The following PSMB2 variants were observed in gnomAD, a reference collection of about 807,000 sequenced individuals.
PSMB2 encodes proteasome 20S subunit beta 2, also known as proteasome subunit beta type-2.
PSMB2 carries 13 observed loss-of-function variants against 25.7 expected under a neutral mutation model. The ratio of observed to expected loss-of-function variants is 0.51; its 90% CI spans 0.33 to 0.80. The LOEUF (loss-of-function observed/expected upper bound fraction) is 0.80. Among genes scored for constraint, PSMB2 ranks in the 30% least tolerant of loss-of-function variants. The pLI, the probability that PSMB2 is intolerant of heterozygous loss-of-function variation, is 0.02. For synonymous variants in PSMB2, 87 were observed against 96.2 expected, an observed-to-expected ratio of 0.90 and a Z score of 0.56; for missense variants, 202 against 259.0, an observed-to-expected ratio of 0.78 and a Z score of 1.51.
chr1:35,606,159 G>C (rs1650161855), intron 4 of PSMB2, among the ~76,000 whole-genome samples: 1 of 152,152 alleles, frequency 6.6e-6, no homozygotes, highest in Admixed American at 6.5e-5. Flanking sequence ...TCAGAAGATG[G>C]AACTTAGCAC....
chr1:35,629,340 A>T (rs548019245), intron 3 of PSMB2, among the ~76,000 whole-genome samples: 1 of 152,310 alleles, frequency 6.6e-6, no homozygotes, highest in African/African-American at 2.4e-5. Flanking sequence ...TAGCAACCAT[A>T]TGAACTTTCC....
At chr1:35,610,188 C>T (rs1650288791) in intron 3 of PSMB2, among the ~76,000 whole-genome samples, 1 of 152,204 alleles carries the variant, frequency 6.6e-6, no homozygotes, top group Non-Finnish European at 1.5e-5. Flanking sequence ...GGTATAATCT[C>T]AGCACTTTGG....
At chr1:35,619,803 C>A (rs181424566) in intron 3 of PSMB2, among the ~76,000 whole-genome samples, 1 of 152,222 alleles carries the variant, frequency 6.6e-6, no homozygotes, top group East Asian at 1.9e-4. Flanking sequence ...GGCACAGATG[C>A]CTTATTATAC....
At chr1:35,638,887 C>A (rs1557461070) in intron 1 of PSMB2, among the ~76,000 whole-genome samples, 1 of 152,142 alleles carries the variant, frequency 6.6e-6, no homozygotes, top group African/African-American at 2.4e-5. Context: ...AAAGGAGTCC[C>A]AGAAGGTTAC....
At chr1:35,614,607 T>C (rs1307155173) in intron 3 of PSMB2, among the ~76,000 whole-genome samples, 1 of 152,222 alleles carries the variant, frequency 6.6e-6, no homozygotes, top group African/African-American at 2.4e-5. Flanking sequence ...GAACATTATA[T>C]ATAGTATTGA....
rs188488657 is a variant in PSMB2, at chr1:35,627,741, G to A, written c.285+3533C>T. Among the ~76,000 whole-genome samples, 689 of 152,266 alleles carry A rather than the reference G, an allele frequency of 4.5e-3. 4 individuals are homozygous for A. Among genetic ancestry groups the A allele is most frequent in the Non-Finnish European group, 7.7e-3 (522 of 67,996 alleles). On this transcript the variant is annotated intron_variant, in intron 3 of 5. Transcript: ENST00000373237. ...AGTAGGGAAATTAAGCTTAGAATTT[G>A]TCCAAAGACATCCAGCTAGTAAGTC... is the stretch of plus-strand genomic sequence containing the variant.
rs1232406340 is a variant in PSMB2, at chr1:35,600,774, CCTGGGGACACTTACATTCAAAGGCAGAG to C, written c.*2465_*2492del. 1.0e-6 allele frequency: 1 copy of C among 985,224 alleles called. No individual in the cohort carries two copies. The highest frequency in any genetic ancestry group is 1.2e-6 in the Non-Finnish European group (1 of 829,938). The allele number at this position is 985,224 out of a possible 1,614,324, so 61.0% of individuals were successfully genotyped here. A position where few individuals can be genotyped will look rare whatever the true frequency, so the allele number is the denominator to read the frequency against. On this transcript the variant is annotated 3_prime_UTR_variant, in exon 6 of 6. Transcript: ENST00000373237. ...GGTTTGCAGGCTTGCCTGAGATTGC[CCTGGGGACACTTACATTCAAAGGCAGAG>C]AACCGTATGTCATCCCTGGTGAGGC... is the stretch of plus-strand genomic sequence containing the variant.
At chr1:35,617,477 C>T (rs1301675184) in intron 3 of PSMB2, among the ~76,000 whole-genome samples, 12 of 152,148 alleles carry the variant, frequency 7.9e-5, no homozygotes, top group Admixed American at 7.2e-4. Context: ...CCATGAGTTC[C>T]CTGGGACTAC....
At chr1:35,614,570 G>C (rs895122644) in intron 3 of PSMB2, among the ~76,000 whole-genome samples, 2 of 152,156 alleles carry the variant, frequency 1.3e-5, no homozygotes, top group Non-Finnish European at 2.9e-5. Flanking sequence ...ACAAGACTAG[G>C]CTTCTTCCAC....
intron 1 of PSMB2, among the ~76,000 whole-genome samples, chr1:35,639,626 A>C (rs528074711): frequency 6.6e-6 from 1 of 152,368 alleles, no homozygotes; most frequent in Admixed American, 6.5e-5. Context: ...TACTGTGTAC[A>C]TAAGTAGGCT....
At chr1:35,639,133 A>G (rs1324523217) in intron 1 of PSMB2, among the ~76,000 whole-genome samples, 1 of 152,176 alleles carries the variant, frequency 6.6e-6, no homozygotes, top group Non-Finnish European at 1.5e-5. Flanking sequence ...GGGCGCCTGT[A>G]ATCCCAGCTA....
chr1:35,625,738 GGTGACACA>G (rs1056195475), intron 3 of PSMB2, among the ~76,000 whole-genome samples: 4 of 151,290 alleles, frequency 2.6e-5, no homozygotes, highest in African/African-American at 9.7e-5. Context: ...CTCCAGCCTG[GGTGACACA>G]GTGAGACTCC....
chr1:35,605,088 T>A (rs1314776891), intron 5 of PSMB2, 145 bp downstream of exon 5: 3 of 698,156 alleles, frequency 4.3e-6, no homozygotes, highest in African/African-American at 3.6e-5. Context: ...CCAAACTCTA[T>A]CCCTGGTAGC....
At position 35,602,849 on chromosome 1, in the gene PSMB2, A is replaced by AG. The variant is rs1223528469; in HGVS notation, c.*417dup. 1.2e-6 allele frequency: 1 copy of AG among 863,894 alleles called. No individual in the cohort carries two copies. Among genetic ancestry groups the AG allele is most frequent in the East Asian group, 1.2e-4 (1 of 8,492 alleles). The allele number at this position is 863,894 out of a possible 1,614,324, so 53.5% of individuals were successfully genotyped here. On this transcript the variant is annotated 3_prime_UTR_variant, in exon 6 of 6. Transcript: ENST00000373237. ...TTTGTACTGTTTGCATGTTACATTA[A>AG]GTGCATGTATTATTAATTCAGGTTA...
intron 1 of PSMB2, among the ~76,000 whole-genome samples, chr1:35,640,270 C>G (rs887925468): frequency 6.6e-6 from 1 of 152,052 alleles, no homozygotes; most frequent in African/African-American, 2.4e-5. Context: ...TGGGCACCTA[C>G]GTACACTTAG....
chr1:35,628,615 ATATATATATATATATATTTT>A (rs1650976119), intron 3 of PSMB2, among the ~76,000 whole-genome samples: 1 of 48,986 alleles, frequency 2.0e-5, no homozygotes, highest in African/African-American at 8.1e-5. Flanking sequence ...ATATATATAT[ATATATATATATATATATTTT>A]TTTTTTTTTT....
Position 35,600,186 on chromosome 1 carries a change from G to A in PSMB2, c.*3081C>T, listed in dbSNP as rs1649948471. On this transcript the variant is annotated 3_prime_UTR_variant, in exon 6 of 6. Transcript: ENST00000373237. ...AATTATAATAAAATTAAAAGATTTA[G>A]GATGTAGAAATGCCAGAACTTGGTG... 1.1e-5 allele frequency: 11 copies of A among 984,668 alleles called. No homozygotes were observed. Among genetic ancestry groups the A allele is most frequent in the Non-Finnish European group, 1.3e-5 (11 of 829,390 alleles). The allele number at this position is 984,668 out of a possible 1,614,324, so 61.0% of individuals were successfully genotyped here. A position where few individuals can be genotyped will look rare whatever the true frequency, so the allele number is the denominator to read the frequency against.
intron 3 of PSMB2, 97 bp downstream of exon 3, chr1:35,631,176 CA>C (rs2148576442): frequency 1.1e-5 from 15 of 1,313,622 alleles, no homozygotes; most frequent in Admixed American, 1.8e-5. Flanking sequence ...TCTGGAAGGC[CA>C]AAAAAGGGCA....
intron 4 of PSMB2, among the ~76,000 whole-genome samples, chr1:35,607,898 T>G (rs1453115783): frequency 1.3e-5 from 2 of 151,904 alleles, no homozygotes; most frequent in Non-Finnish European, 2.9e-5. Flanking sequence ...TCAACATGAA[T>G]GGAACTGGAC....
Sources: gnomAD v4.1 joint callset for allele counts (sites outside exome capture counted in the v4.1 genomes callset) on GRCh38, gnomAD v4.1.1 for gene constraint, MANE v1.5 for transcripts, NCBI Gene and HGNC (gene_info 2026-07-23, HGNC 2026-07-21) for gene names.